ADAM12: variants seen among roughly 807,000 people sequenced by gnomAD.
ADAM12 encodes the protein ADAM metallopeptidase domain 12.
In ADAM12, 70 loss-of-function variants were observed where a neutral mutation model predicts 106.4. The ratio of observed to expected loss-of-function variants is 0.66; its 90% confidence interval spans 0.54 to 0.80. ADAM12 has a LOEUF of 0.80. Among genes scored for constraint, ADAM12 ranks in the 30% least tolerant of loss-of-function variants. The probability of loss-of-function intolerance (pLI) is 0.00; values close to 1 mark genes in which losing one functional copy is unlikely to be tolerated. For synonymous variants in ADAM12, 420 were observed against 433.5 expected (o/e 0.97, Z 0.39); for missense variants, 1,010 against 1,171.9 (o/e 0.86, Z 2.02).
chr10:126,232,786 A>G (rs1479248851), intron 3 of ADAM12, among the ~76,000 whole-genome samples: 1 of 152,244 alleles, frequency 6.6e-6, no homozygotes, highest in East Asian at 1.9e-4. Flanking sequence ...ACTGGAGCCC[A>G]GGTGAAAATG....
At chr10:126,037,104 T>G (rs1340487904) in intron 20 of ADAM12, among the ~76,000 whole-genome samples, 1 of 152,162 alleles carries the variant, frequency 6.6e-6, no homozygotes, top group Non-Finnish European at 1.5e-5. Context: ...ATAAGTGGGA[T>G]CACAGAGTAT....
chr10:126,202,180 G>A lies in ADAM12; in HGVS notation c.261-46875C>T, dbSNP rs148758020. Among the ~76,000 whole-genome samples, 9 of 152,326 alleles carry A rather than the reference G, an allele frequency of 5.9e-5. No individual in the cohort carries two copies. In the East Asian group the frequency reaches 9.6e-4, roughly 16 times the overall value. Reference sequence around the variant, plus strand: ...ACCCCATGTGGGGAAGTTCTACTCCGAAACTTATTCCCATGGGTTTCTAGC... The same window carrying A: ...ACCCCATGTGGGGAAGTTCTACTCCAAAACTTATTCCCATGGGTTTCTAGC... On this transcript the variant is annotated intron_variant, in intron 3 of 22. Coordinates refer to ENST00000448723, the MANE Select transcript of ADAM12 (RefSeq NM_001288973.2).
chr10:126,195,370 T>A (rs1210509304), intron 3 of ADAM12, among the ~76,000 whole-genome samples: 8 of 152,114 alleles, frequency 5.3e-5, no homozygotes, highest in African/African-American at 1.9e-4. Flanking sequence ...AGATCAGGGG[T>A]TCGAGATTGG....
intron 3 of ADAM12, among the ~76,000 whole-genome samples, chr10:126,205,957 A>AC (rs1244121394): frequency 6.6e-6 from 1 of 152,186 alleles, no homozygotes; most frequent in Admixed American, 6.5e-5. Context: ...CATACACTCA[A>AC]CCACATAAAA....
rs1554971408 is a variant in ADAM12 at position 126,118,243 on chromosome 10, G to GA, written c.417-20dup. The stretch of plus-strand genomic sequence containing the variant: ...AAGTCCCCTGTTGAAAAAGAAACAA[G>GA]AAAAAATATATAATTTTAAGGACAG... On this transcript the variant is annotated intron_variant, in intron 5 of 22. Coordinates refer to ENST00000448723, the MANE Select transcript of ADAM12 (RefSeq NM_001288973.2). 1.3e-6 allele frequency: 2 copies of GA among 1,581,962 alleles called. No individual in the cohort carries two copies. Among genetic ancestry groups the GA allele is most frequent in the Middle Eastern group, 1.7e-4 (1 of 5,968 alleles).
intron 8 of ADAM12, among the ~76,000 whole-genome samples, chr10:126,105,649 A>G (rs1955751976): frequency 6.6e-6 from 1 of 152,266 alleles, no homozygotes; most frequent in Admixed American, 6.5e-5. Flanking sequence ...AATATTTCCT[A>G]AAGTAAACAT....
At chr10:126,104,269 G>T (rs1350747505) in intron 8 of ADAM12, among the ~76,000 whole-genome samples, 1 of 152,022 alleles carries the variant, frequency 6.6e-6, no homozygotes, top group Non-Finnish European at 1.5e-5. Context: ...GTCCAACATG[G>T]TGAAACTCCA....
chr10:126,261,203 C>G (rs896367312), intron 3 of ADAM12, among the ~76,000 whole-genome samples: 1 of 152,094 alleles, frequency 6.6e-6, no homozygotes, highest in Non-Finnish European at 1.5e-5. Context: ...TAATCTCCTT[C>G]AGATACCAAG....
At chr10:126,380,892 C>A (rs756396465) in intron 1 of ADAM12, among the ~76,000 whole-genome samples, 1 of 152,168 alleles carries the variant, frequency 6.6e-6, no homozygotes, top group Non-Finnish European at 1.5e-5. Context: ...CTTTGTAAAT[C>A]ATGGACGCTG....
rs1295525066 is a variant in ADAM12, at chr10:126,019,796, C to T, written c.2559G>A (p.Lys853=). 13 of 1,613,886 alleles carry T rather than the reference C, an allele frequency of 8.1e-6. No individual in the cohort carries two copies. Among genetic ancestry groups the T allele is most frequent in the Non-Finnish European group, 1.0e-5 (12 of 1,179,988 alleles). ...QGTCKPNPPQ[K]PLPADPLART... ...TGGCCAGAGGATCTGCAGGCAGAGG[C>T]TTCTGAGGGGGGTTTGGCTTACAGG... The change falls in exon 22 of 23, where the codon AAG becomes AAA. Residue 853 remains lysine, a synonymous_variant. Coordinates refer to ENST00000448723, the MANE Select transcript of ADAM12 (RefSeq NM_001288973.2).
intron 1 of ADAM12, among the ~76,000 whole-genome samples, chr10:126,343,249 A>G (rs1855003345): frequency 1.4e-5 from 2 of 142,188 alleles, no homozygotes; most frequent in African/African-American, 5.3e-5. Context: ...TCATTGTTCA[A>G]TTCCCACCTA....
intron 12 of ADAM12, among the ~76,000 whole-genome samples, chr10:126,069,579 A>G (rs1249348192): frequency 6.6e-6 from 1 of 152,248 alleles, no homozygotes; most frequent in Non-Finnish European, 1.5e-5. Flanking sequence ...GGAGGATCAG[A>G]ATATGAGTGG....
intron 16 of ADAM12, among the ~76,000 whole-genome samples, chr10:126,048,283 G>T (rs1954380347): frequency 6.6e-6 from 1 of 152,114 alleles, no homozygotes; most frequent in African/African-American, 2.4e-5. Flanking sequence ...ATGTACCCCT[G>T]AACCTAAAAG....
At chr10:126,294,894 G>A (rs1342349254) in intron 2 of ADAM12, among the ~76,000 whole-genome samples, 1 of 133,640 alleles carries the variant, frequency 7.5e-6, no homozygotes, top group African/African-American at 2.6e-5. Flanking sequence ...AAAATTGTGT[G>A]TAGATGTGTG....
At chr10:126,222,308 C>T (rs1441299665) in intron 3 of ADAM12, among the ~76,000 whole-genome samples, 2 of 151,980 alleles carry the variant, frequency 1.3e-5, no homozygotes, top group Non-Finnish European at 2.9e-5. Context: ...CCTTTGAGGT[C>T]TCACGTGAAA....
At chr10:126,051,616 T>TCCAG (rs1293852294) in intron 14 of ADAM12, among the ~76,000 whole-genome samples, 28 of 107,988 alleles carry the variant, frequency 2.6e-4, no homozygotes, top group Middle Eastern at 0.011. Flanking sequence ...TGTCCATCCA[T>TCCAG]CCAGCCAGCC....
chr10:126,028,359 C>T (rs1313931804), intron 21 of ADAM12, among the ~76,000 whole-genome samples: 1 of 152,140 alleles, frequency 6.6e-6, no homozygotes, highest in African/African-American at 2.4e-5. Context: ...ATAGCCAAGA[C>T]AATCCTAAGC....
At chr10:126,333,541 G>A (rs1380110101) in intron 1 of ADAM12, among the ~76,000 whole-genome samples, 1 of 152,212 alleles carries the variant, frequency 6.6e-6, no homozygotes, top group African/African-American at 2.4e-5. Context: ...GCAGGGAGGG[G>A]TGTAGGGGAG....
intron 3 of ADAM12, among the ~76,000 whole-genome samples, chr10:126,266,236 G>C (rs1365455660): frequency 6.6e-6 from 1 of 152,168 alleles, no homozygotes; most frequent in East Asian, 1.9e-4. Flanking sequence ...TGACTTGGGG[G>C]CCCTCCCATT....
Sources: gnomAD v4.1 joint callset for allele counts (sites outside exome capture counted in the v4.1 genomes callset) on GRCh38, gnomAD v4.1.1 for gene constraint, MANE v1.5 for transcripts, NCBI Gene and HGNC (gene_info 2026-07-23, HGNC 2026-07-21) for gene names.